Variants in XPO6 observed in about 807,000 individuals in gnomAD.
The protein encoded by XPO6 is exportin 6.
XPO6 carries 3 observed loss-of-function variants against 130.0 expected under a neutral mutation model. That is an observed-to-expected ratio of 0.02 (90% CI 0.01 to 0.06). XPO6 has a LOEUF of 0.06. Ranked by LOEUF, XPO6 falls within the 10% of genes least tolerant of loss-of-function variation. XPO6 has a pLI of 1.00. For synonymous variants in XPO6, 524 were observed against 548.9 expected (o/e 0.95, Z 0.63); for missense variants, 970 against 1,393.0 (o/e 0.70, Z 4.83).
intron 4 of XPO6, among the ~76,000 whole-genome samples, chr16:28,175,507 T>C (rs1324981865): frequency 6.6e-6 from 1 of 152,168 alleles, no homozygotes; most frequent in Admixed American, 6.5e-5. Flanking sequence ...TATGCCACCA[T>C]AGCACTCTGC....
At chr16:28,159,799 A>T (rs2043243222) in intron 6 of XPO6, among the ~76,000 whole-genome samples, 1 of 152,204 alleles carries the variant, frequency 6.6e-6, no homozygotes, top group African/African-American at 2.4e-5. Context: ...ATTTTTTCTT[A>T]ACCATAAAGG....
intron 23 of XPO6, among the ~76,000 whole-genome samples, chr16:28,099,590 C>T (rs913031940): frequency 3.3e-5 from 5 of 152,242 alleles, no homozygotes; most frequent in Admixed American, 6.5e-5. Flanking sequence ...GTTCTGTGAA[C>T]TGCTCACCTT....
At chr16:28,152,564 T>C in intron 8 of XPO6, 95 bp downstream of exon 8, 1 of 1,443,506 alleles carries the variant, frequency 6.9e-7, no homozygotes, top group Non-Finnish European at 9.3e-7. Flanking sequence ...TATTAATGTT[T>C]GGAAAATAAA....
intron 10 of XPO6, among the ~76,000 whole-genome samples, chr16:28,134,311 C>T (rs2042733216): frequency 6.6e-6 from 1 of 152,234 alleles, no homozygotes. Flanking sequence ...GGGTCCACAG[C>T]CAGCCAGCAA....
intron 1 of XPO6, among the ~76,000 whole-genome samples, chr16:28,186,947 C>A (rs1189694968): frequency 6.6e-6 from 1 of 151,992 alleles, no homozygotes; most frequent in Non-Finnish European, 1.5e-5. Context: ...TAAATTAAGC[C>A]CCTGGGATAC....
intron 2 of XPO6, 38 bp from the exon 3 acceptor site, chr16:28,177,370 A>T: frequency 7.9e-7 from 1 of 1,262,742 alleles, no homozygotes; most frequent in Non-Finnish European, 1.1e-6. Flanking sequence ...AAGCTATGAA[A>T]ATACATGAAA....
Position 28,152,920 on chromosome 16 carries a change from C to T in XPO6, c.1098-135G>A, listed in dbSNP as rs776597909. ...TTTCTTTTAAAAATATAAAGGCCTGCAACAATTACCTACAGGACAGGCAAC... is the reference window on the plus strand; with the variant it reads ...TTTCTTTTAAAAATATAAAGGCCTGTAACAATTACCTACAGGACAGGCAAC... On this transcript the variant is annotated intron_variant, in intron 7 of 23. Transcript: ENST00000304658. 5.0e-6 allele frequency: 7 copies of T among 1,393,878 alleles called. No homozygotes were observed. In the South Asian group the frequency reaches 6.3e-5, roughly 13 times the overall value. The allele number at this position is 1,393,878 out of a possible 1,614,324, so 86.3% of individuals were successfully genotyped here.
intron 2 of XPO6, among the ~76,000 whole-genome samples, chr16:28,178,459 A>T (rs28497515): frequency 6.6e-6 from 1 of 151,864 alleles, no homozygotes; most frequent in Admixed American, 6.6e-5. Flanking sequence ...GTCCTAGTTA[A>T]TCAAGAGGCT....
At chr16:28,188,671 CAAAAAAAAAA>C (rs144107071) in intron 1 of XPO6, among the ~76,000 whole-genome samples, 39 of 65,698 alleles carry the variant, frequency 5.9e-4, no homozygotes, top group African/African-American at 2.0e-3. Flanking sequence ...TTCACCACTG[CAAAAAAAAAA>C]AAAAAAAAAA....
chr16:28,144,540 G>A (rs2042950157), intron 9 of XPO6, among the ~76,000 whole-genome samples: 3 of 152,068 alleles, frequency 2.0e-5, no homozygotes, highest in Non-Finnish European at 4.4e-5. Flanking sequence ...CCTCCCATGT[G>A]GCTGAGACTA....
chr16:28,146,888 C>T (rs2042992347), intron 8 of XPO6, among the ~76,000 whole-genome samples: 1 of 152,178 alleles, frequency 6.6e-6, no homozygotes, highest in Non-Finnish European at 1.5e-5. Context: ...GACCACTGCA[C>T]TAGTTAACTT....
At chr16:28,121,233 T>C (rs1353215032) in intron 14 of XPO6, among the ~76,000 whole-genome samples, 1 of 152,260 alleles carries the variant, frequency 6.6e-6, no homozygotes, top group Non-Finnish European at 1.5e-5. Flanking sequence ...TCAGAATCTC[T>C]GAGAAATGTG....
At chr16:28,163,286 G>T (rs1261224509) in intron 6 of XPO6, among the ~76,000 whole-genome samples, 10 of 152,204 alleles carry the variant, frequency 6.6e-5, no homozygotes, top group African/African-American at 2.4e-4. Context: ...TATGCAATCT[G>T]TTAAGAGTTT....
At position 28,098,424 on chromosome 16, in the gene XPO6, G is replaced by C. The variant is rs8049992; in HGVS notation, c.*114C>G. 4.6e-6 allele frequency: 4 copies of C among 872,402 alleles called. No homozygotes were observed. The highest frequency in any genetic ancestry group is 4.4e-5 in the Admixed American group (2 of 45,510). 54.0% of individuals were successfully genotyped at this position (872,402 alleles called of 1,614,324 possible). A position where few individuals can be genotyped will look rare whatever the true frequency, so the allele number is the denominator to read the frequency against. On this transcript the variant is annotated 3_prime_UTR_variant, in exon 24 of 24. Transcript: ENST00000304658. ...GGCAGAGGCAGGCAGCGTTGCTTGC[G>C]GTGGGAGAAGCCAAGGAGTGTGACC... is the stretch of plus-strand genomic sequence containing the variant.
intron 9 of XPO6, among the ~76,000 whole-genome samples, chr16:28,143,280 C>T (rs1435634466): frequency 1.3e-5 from 2 of 152,190 alleles, no homozygotes; most frequent in Non-Finnish European, 2.9e-5. Context: ...CAGTCACAAC[C>T]ACAGTCTAAA....
intron 15 of XPO6, among the ~76,000 whole-genome samples, chr16:28,113,933 T>A (rs894761348): frequency 6.6e-6 from 1 of 152,176 alleles, no homozygotes; most frequent in Non-Finnish European, 1.5e-5. Flanking sequence ...CACATTGTTA[T>A]TAAAACAATA....
At chr16:28,168,628 G>T (rs1476295032) in intron 5 of XPO6, among the ~76,000 whole-genome samples, 2 of 150,880 alleles carry the variant, frequency 1.3e-5, no homozygotes, top group Admixed American at 1.3e-4. Flanking sequence ...AAGAGACAGG[G>T]TCTCACTCTG....
chr16:28,158,030 GAGC>G (rs148084219), intron 6 of XPO6, among the ~76,000 whole-genome samples: 2,657 of 152,318 alleles, frequency 0.017, 40 homozygotes, highest in Non-Finnish European at 0.029. Context: ...ATCACACAGT[GAGC>G]AGAAGTAGAG....
chr16:28,139,272 C>T (rs2042840860), intron 9 of XPO6, among the ~76,000 whole-genome samples: 1 of 152,184 alleles, frequency 6.6e-6, no homozygotes, highest in Non-Finnish European at 1.5e-5. Context: ...AGAGAAGGCG[C>T]CATCTGCAAG....
Sources: allele counts gnomAD v4.1 joint callset (sites outside exome capture counted in the v4.1 genomes callset), GRCh38; gene constraint gnomAD v4.1.1; transcripts MANE v1.5; gene names NCBI Gene and HGNC (gene_info 2026-07-23, HGNC 2026-07-21).